DEF6: variants seen among roughly 807,000 people sequenced by gnomAD.
DEF6 encodes the protein differentially expressed in FDCP 6 homolog.
A neutral mutation model predicts 80.5 loss-of-function variants in DEF6; 32 were observed. The observed-to-expected ratio is 0.40, with a 90% confidence interval of 0.30 to 0.53. The LOEUF (loss-of-function observed/expected upper bound fraction) is 0.53. DEF6 is among the 20% of genes least tolerant of loss of function. The pLI, the probability that DEF6 is intolerant of heterozygous loss-of-function variation, is 0.57. For missense variants in DEF6, 575 were observed against 818.7 expected, an observed-to-expected ratio of 0.70 and a Z score of 3.63; for synonymous variants, 300 against 337.9, an observed-to-expected ratio of 0.89 and a Z score of 1.23.
At chr6:35,304,125 T>C (rs1791360811) in intron 1 of DEF6, among the ~76,000 whole-genome samples, 1 of 151,702 alleles carries the variant, frequency 6.6e-6, no homozygotes, top group African/African-American at 2.4e-5. Context: ...AGAGCAAAAC[T>C]ACATTGCAAA....
In DEF6 at chr6:35,310,446, G is replaced by A; in HGVS notation, c.238-13G>A. The A allele has an allele frequency of 6.2e-7, 1 of 1,612,218 alleles. No individual in the cohort carries two copies. The highest frequency in any genetic ancestry group is 1.1e-5 in the South Asian group (1 of 91,078). On this transcript the variant is annotated splice_polypyrimidine_tract_variant and intron_variant, in intron 2 of 10. Coordinates refer to ENST00000316637, the MANE Select transcript of DEF6 (RefSeq NM_022047.4). The stretch of plus-strand genomic sequence containing the variant: ...GAGATATGCAGTCAGCTGATTTGCA[G>A]CCCTGGTGGCAGGTGGAGGAGGGGG...
At chr6:35,308,639 C>T (rs1034492722) in intron 1 of DEF6, among the ~76,000 whole-genome samples, 5 of 147,002 alleles carry the variant, frequency 3.4e-5, no homozygotes, top group Non-Finnish European at 7.4e-5. Flanking sequence ...TGCCACTGCA[C>T]TCCAACCTGG....
At chr6:35,314,659 G>T (rs1487416767) in intron 5 of DEF6, among the ~76,000 whole-genome samples, 2 of 152,042 alleles carry the variant, frequency 1.3e-5, no homozygotes, top group Non-Finnish European at 1.5e-5. Context: ...TATATATTCT[G>T]GTTATTAATC....
At position 35,309,701 on chromosome 6, in the gene DEF6, A is replaced by G. The variant is rs754613472; in HGVS notation, c.128A>G (p.His43Arg). 2 of 1,613,882 alleles carry G rather than the reference A, an allele frequency of 1.2e-6. No individual in the cohort carries two copies. Among genetic ancestry groups the G allele is most frequent in the Admixed American group, 3.3e-5 (2 of 60,000 alleles). Reference sequence around the variant, plus strand: ...TCCCACAACCTGTACACGGTCCTGCACATCCCCCATGACCCCGTGGCCCTG... The same window carrying G: ...TCCCACAACCTGTACACGGTCCTGCGCATCCCCCATGACCCCGTGGCCCTG... Reference protein sequence around the residue: ...VLSHNLYTVLHIPHDPVALEE... With the variant: ...VLSHNLYTVLRIPHDPVALEE... Residue 43 changes from histidine (H) to arginine (R), a missense_variant, in exon 2 of 11, where the codon CAC becomes CGC. Coordinates refer to ENST00000316637, the MANE Select transcript of DEF6 (RefSeq NM_022047.4).
At position 35,318,126 on chromosome 6, in the gene DEF6, C is replaced by A. The variant is rs377491397; in HGVS notation, c.917-47C>A. The A allele has an allele frequency of 6.5e-7, 1 of 1,533,030 alleles. No individual in the cohort carries two copies. The highest frequency in any genetic ancestry group is 8.8e-7 in the Non-Finnish European group (1 of 1,141,232). 95.0% of individuals were successfully genotyped at this position (1,533,030 alleles called of 1,614,324 possible). A position where few individuals can be genotyped will look rare whatever the true frequency, so the allele number is the denominator to read the frequency against. On this transcript the variant is annotated intron_variant, in intron 6 of 10. Coordinates refer to ENST00000316637, the MANE Select transcript of DEF6 (RefSeq NM_022047.4). The surrounding 1 kb of genome is among the most constrained non-coding windows in gnomAD (Gnocchi z 5.1). ...CTCGGGAAACTCCTAAGGCCCCTTTCGGGCCGTGTGCGAGGATCCTACTGA... is the reference window on the plus strand; with the variant it reads ...CTCGGGAAACTCCTAAGGCCCCTTTAGGGCCGTGTGCGAGGATCCTACTGA...
intron 5 of DEF6, chr6:35,313,500 A>G (rs1009206617): frequency 6.3e-6 from 2 of 316,746 alleles, no homozygotes. Context: ...TGAAATATAC[A>G]ATAGATTATT....
At chr6:35,316,026 ATTT>A in intron 5 of DEF6, 5 of 153,044 alleles carry the variant, frequency 3.3e-5, no homozygotes, top group Non-Finnish European at 5.7e-5. Context: ...CACCTGGCTA[ATTT>A]TTTTTTTTTT....
rs529668369 is a variant in DEF6, at chr6:35,318,332, G to A, written c.1076G>A (p.Arg359Gln). The A allele has an allele frequency of 3.5e-5, 54 of 1,545,356 alleles. No individual in the cohort carries two copies. In the Admixed American group the frequency reaches 3.9e-4, roughly 11 times the overall value. Residue 359 changes from arginine to glutamine, a missense_variant, in exon 7 of 11, where the codon CGG becomes CAG. Physicochemically the swap from Arg to Gln is conservative, Grantham distance 43 (BLOSUM62 1). Coordinates refer to ENST00000316637, the MANE Select transcript of DEF6 (RefSeq NM_022047.4). This position sits in a 1 kb window ranked among gnomAD's most constrained non-coding sequence, Gnocchi z 5.1. ...RLQQLQEEKE[R>Q]KLQELELLQE... ...CAGCAGCTGCAGGAGGAGAAGGAGC[G>A]GAAGCTGCAGGAGCTGGAGCTGCTG...
intron 5 of DEF6, among the ~76,000 whole-genome samples, chr6:35,317,296 C>A (rs1480440856): frequency 6.6e-6 from 1 of 152,192 alleles, no homozygotes; most frequent in African/African-American, 2.4e-5. Flanking sequence ...CAGTTTCTTT[C>A]TCTGTAAAGT....
intron 9 of DEF6, 81 bp downstream of exon 9, chr6:35,320,098 C>T (rs1582235354): frequency 1.4e-6 from 2 of 1,407,638 alleles, no homozygotes; most frequent in South Asian, 2.6e-5. Context: ...GCTGCCTTCC[C>T]TCAAACCCTG....
At position 35,307,920 on chromosome 6, in the gene DEF6, A is replaced by G. The variant is rs544830185; in HGVS notation, c.97-1750A>G. ...TCCTGCCTCCTAGGAACTGATTCCA[A>G]GGTGAACTGCTGGTGGTGGAAGAAG... On this transcript the variant is annotated intron_variant, in intron 1 of 10. Transcript: ENST00000316637. Among the ~76,000 whole-genome samples the G allele has an allele frequency of 2.6e-5, 4 of 152,326 alleles. No homozygotes were observed. In the South Asian group the frequency reaches 8.3e-4, roughly 32 times the overall value.
At chr6:35,301,088 C>A (rs1791308122) in intron 1 of DEF6, among the ~76,000 whole-genome samples, 1 of 152,148 alleles carries the variant, frequency 6.6e-6, no homozygotes, top group Non-Finnish European at 1.5e-5. Context: ...CCTGCACCTC[C>A]AGCTGATATT....
chr6:35,313,942 CTT>C (rs1238115507), intron 5 of DEF6, among the ~76,000 whole-genome samples: 1 of 152,140 alleles, frequency 6.6e-6, no homozygotes, highest in Non-Finnish European at 1.5e-5. Context: ...GGTTTACTTT[CTT>C]TTAGATATAT....
Position 35,303,182 on chromosome 6 carries a change from G to A in DEF6, c.96+5230G>A, listed in dbSNP as rs975207358. On this transcript the variant is annotated intron_variant, in intron 1 of 10. Coordinates refer to ENST00000316637, the MANE Select transcript of DEF6 (RefSeq NM_022047.4). ...CTTGTCCTACTATCTGACAGCACGC[G>A]GGGGTCAGAGTCTCTGCCCTGGGTT... is the stretch of plus-strand genomic sequence containing the variant. 4.9e-4 allele frequency among the ~76,000 whole-genome samples: 74 copies of A among 152,148 alleles called. 1 individual carries two copies. Among genetic ancestry groups the A allele is most frequent in the African/African-American group, 1.7e-3 (70 of 41,430 alleles).
At position 35,319,605 on chromosome 6, in the gene DEF6, G is replaced by A; in HGVS notation, c.1297G>A (p.Glu433Lys). 4 of 1,614,140 alleles carry A rather than the reference G, an allele frequency of 2.5e-6. No homozygotes were observed. Among genetic ancestry groups the A allele is most frequent in the Non-Finnish European group, 3.4e-6 (4 of 1,180,008 alleles). ...RQRQRIKELE[E>K]MQQRLQEALQ... ...GCGGCAGCGCATCAAGGAGCTGGAG[G>A]AGATGCAGCAGCGGTTGCAGGAGGC... is the stretch of plus-strand genomic sequence containing the variant. The change falls in exon 8 of 11, where the codon GAG (glutamate) becomes AAG (lysine). Residue 433 changes from glutamate (E) to lysine (K), a missense_variant. Transcript: ENST00000316637. The surrounding 1 kb of genome is among the most constrained non-coding windows in gnomAD (Gnocchi z 4.5).
Position 35,318,352 on chromosome 6 carries a change from C to A in DEF6, c.1096C>A (p.Leu366Met), listed in dbSNP as rs774857860. The change falls in exon 7 of 11, where the codon CTG (leucine) becomes ATG (methionine). Residue 366 changes from leucine (L) to methionine (M), a missense_variant. Leu to Met is a conservative substitution (Grantham distance 15, BLOSUM62 2). Coordinates refer to ENST00000316637, the MANE Select transcript of DEF6 (RefSeq NM_022047.4). The surrounding 1 kb of genome is among the most constrained non-coding windows in gnomAD (Gnocchi z 5.1). ...GGAGCGGAAGCTGCAGGAGCTGGAG[C>A]TGCTGCAGGAGGCGCAGCGGCAGGC... ...EKERKLQELE[L>M]LQEAQRQAER... 6.5e-7 allele frequency: 1 copy of A among 1,543,216 alleles called. No individual in the cohort carries two copies.
Position 35,309,724 on chromosome 6 carries a change from C to T in DEF6, c.151C>T (p.Leu51=). The change falls in exon 2 of 11, where the codon CTG becomes TTG. Residue 51 remains leucine, a synonymous_variant. Transcript: ENST00000316637. ...GCACATCCCCCATGACCCCGTGGCC[C>T]TGGAGGAACACTTCCGAGATGATGA... is the stretch of plus-strand genomic sequence containing the variant. ...VLHIPHDPVA[L]EEHFRDDDDG... is the part of the protein sequence containing the mutation. The T allele has an allele frequency of 6.2e-7, 1 of 1,614,056 alleles. No individual in the cohort carries two copies. The highest frequency in any genetic ancestry group is 2.2e-5 in the East Asian group (1 of 44,878).
intron 5 of DEF6, among the ~76,000 whole-genome samples, chr6:35,315,328 C>T (rs1458622315): frequency 1.3e-5 from 2 of 152,062 alleles, no homozygotes; most frequent in African/African-American, 4.8e-5. Context: ...ATAGCTGGGG[C>T]TATAGGTGTG....
At position 35,318,478 on chromosome 6, in the gene DEF6, T is replaced by C; in HGVS notation, c.1215+7T>C. 1 of 1,394,534 alleles carries C rather than the reference T, an allele frequency of 7.2e-7. No homozygotes were observed. Among genetic ancestry groups the C allele is most frequent in the Non-Finnish European group, 9.2e-7 (1 of 1,083,372 alleles). 86.4% of individuals were successfully genotyped at this position (1,394,534 alleles called of 1,614,324 possible). On this transcript the variant is annotated splice_region_variant and intron_variant, in intron 7 of 10. Transcript: ENST00000316637. The surrounding 1 kb of genome is among the most constrained non-coding windows in gnomAD (Gnocchi z 5.1). ...ACTGCGCGAGGCGGAGCAGGTGGGGTTAGCTCCCGGCGCCGGGGACGGGAC... is the reference window on the plus strand; with the variant it reads ...ACTGCGCGAGGCGGAGCAGGTGGGGCTAGCTCCCGGCGCCGGGGACGGGAC...
Sources: gnomAD v4.1 joint callset for allele counts (sites outside exome capture counted in the v4.1 genomes callset) on GRCh38, gnomAD v4.1.1 for gene constraint, Gnocchi (gnomAD v3.1) non-coding constraint, MANE v1.5 for transcripts, NCBI Gene and HGNC (gene_info 2026-07-23, HGNC 2026-07-21) for gene names.